Variants in GLRX3 observed in about 807,000 individuals in gnomAD.
The protein encoded by GLRX3 is glutaredoxin 3.
In GLRX3, 22 loss-of-function variants were observed where a neutral mutation model predicts 49.5. The ratio of observed to expected loss-of-function variants is 0.44; its 90% confidence interval spans 0.32 to 0.63. The LOEUF is 0.63. Among genes scored for constraint, GLRX3 ranks in the 30% least tolerant of loss-of-function variants. The probability of loss-of-function intolerance (pLI) is 0.05; values close to 1 mark genes in which losing one functional copy is unlikely to be tolerated. For synonymous variants in GLRX3, 133 were observed against 140.0 expected, an observed-to-expected ratio of 0.95 and a Z score of 0.35; for missense variants, 385 against 396.3, an observed-to-expected ratio of 0.97 and a Z score of 0.24.
intron 2 of GLRX3, among the ~76,000 whole-genome samples, chr10:130,149,021 A>G (rs1252143130): frequency 2.6e-5 from 4 of 152,050 alleles, no homozygotes; most frequent in African/African-American, 4.8e-5. Flanking sequence ...TTGTGCCACT[A>G]TACTCCAGCT....
intron 1 of GLRX3, among the ~76,000 whole-genome samples, chr10:130,137,591 G>A (rs1056376972): frequency 1.3e-5 from 2 of 152,158 alleles, no homozygotes; most frequent in Non-Finnish European, 2.9e-5. Flanking sequence ...TAGTACCTCA[G>A]GGTTGTTGTG....
At chr10:130,137,486 C>T (rs1374532493) in intron 1 of GLRX3, among the ~76,000 whole-genome samples, 3 of 152,256 alleles carry the variant, frequency 2.0e-5, no homozygotes, top group African/African-American at 4.8e-5. Context: ...GCCTGGGATC[C>T]AGTCCCACCG....
chr10:130,175,195 T>C (rs7918967), intron 10 of GLRX3, 106 bp downstream of exon 10: 1 of 714,246 alleles, frequency 1.4e-6, no homozygotes, highest in African/African-American at 1.8e-5. Context: ...GACTCCTGTT[T>C]CCAGCCTGAC....
chr10:130,166,606 C>A lies in GLRX3; in HGVS notation c.578C>A (p.Ala193Asp). 6.2e-7 allele frequency: 1 copy of A among 1,609,562 alleles called. No homozygotes were observed. The highest frequency in any genetic ancestry group is 8.5e-7 in the Non-Finnish European group (1 of 1,175,882). Residue 193 changes from alanine (A) to aspartate (D), a missense_variant, in exon 5 of 11, where the codon GCC becomes GAC. This residue lies in a region of GLRX3 where 374 missense variants were observed against 358.6 expected (regional missense o/e 1.04). Coordinates refer to ENST00000331244, the MANE Select transcript of GLRX3 (RefSeq NM_006541.5). ...SDEEVRQGLK[A>D]YSSWPTYPQL... is the part of the protein sequence containing the mutation. ...GAAGAGGTTCGACAGGGACTCAAAG[C>A]CTATTCCAGTTGGCCTACCTATCCT... is the stretch of plus-strand genomic sequence containing the variant.
intron 6 of GLRX3, among the ~76,000 whole-genome samples, chr10:130,167,904 C>T (rs1425417721): frequency 1.3e-5 from 2 of 152,144 alleles, no homozygotes; most frequent in African/African-American, 4.8e-5. Context: ...CCTTTTTTGA[C>T]TCTGGGCGTC....
intron 2 of GLRX3, among the ~76,000 whole-genome samples, chr10:130,156,600 A>T (rs1159531071): frequency 1.3e-5 from 2 of 150,952 alleles, no homozygotes; most frequent in Admixed American, 1.3e-4. Context: ...GTGAGTCTAT[A>T]CGTGAAGCAC....
chr10:130,140,462 G>T (rs1346904289), intron 1 of GLRX3, among the ~76,000 whole-genome samples: 1 of 152,166 alleles, frequency 6.6e-6, no homozygotes, highest in East Asian at 1.9e-4. Flanking sequence ...GAAATGGAAG[G>T]TAAGCATTAA....
In GLRX3 at chr10:130,145,246, C is replaced by CTG. The variant is rs1359734215; in HGVS notation, c.129_130insGT (p.Pro44ValfsTer7). ...GTGGTCCATTTCTGGGCACCATGGG[C>CTG]TCCACAGTGTGCACAGATGAACGAA... On this transcript the variant is annotated frameshift_variant, in exon 2 of 11. Coordinates refer to ENST00000331244, the MANE Select transcript of GLRX3 (RefSeq NM_006541.5). LOFTEE classifies it high-confidence loss of function. 1 of 1,554,100 alleles carries CTG rather than the reference C, an allele frequency of 6.4e-7. No individual in the cohort carries two copies. The highest frequency in any genetic ancestry group is 1.4e-5 in the African/African-American group (1 of 73,868).
intron 8 of GLRX3, among the ~76,000 whole-genome samples, chr10:130,172,666 G>A (rs1862834827): frequency 6.6e-6 from 1 of 152,222 alleles, no homozygotes; most frequent in African/African-American, 2.4e-5. Flanking sequence ...ATAGGGCCAG[G>A]CACAGTGGCT....
chr10:130,164,796 A>G (rs1281476663), intron 4 of GLRX3, among the ~76,000 whole-genome samples: 1 of 152,242 alleles, frequency 6.6e-6, no homozygotes, highest in African/African-American at 2.4e-5. Context: ...AAGCTAAAAT[A>G]AAGCTTCTTC....
intron 2 of GLRX3, among the ~76,000 whole-genome samples, chr10:130,158,485 C>T (rs16910147): frequency 1.3e-5 from 2 of 152,034 alleles, no homozygotes; most frequent in East Asian, 3.9e-4. Context: ...TTAGTATTGC[C>T]TTTTTTTTGG....
At chr10:130,173,983 C>T (rs1054607346) in intron 8 of GLRX3, among the ~76,000 whole-genome samples, 5 of 152,140 alleles carry the variant, frequency 3.3e-5, no homozygotes, top group Non-Finnish European at 4.4e-5. Flanking sequence ...GGGAATTGCA[C>T]CTGTACCCTC....
At chr10:130,176,746 C>T (rs1008658113) in intron 10 of GLRX3, among the ~76,000 whole-genome samples, 2 of 141,754 alleles carry the variant, frequency 1.4e-5, no homozygotes, top group Admixed American at 7.3e-5. Context: ...CCCTCCCTCC[C>T]TCCTTCCCTC....
intron 1 of GLRX3, among the ~76,000 whole-genome samples, chr10:130,144,528 A>G (rs1862235986): frequency 6.8e-6 from 1 of 147,398 alleles, no homozygotes; most frequent in Non-Finnish European, 1.5e-5. Context: ...TTCATTGTTC[A>G]CCTCCCACTT....
intron 4 of GLRX3, among the ~76,000 whole-genome samples, chr10:130,164,559 G>A (rs1351502658): frequency 1.3e-5 from 2 of 152,130 alleles, no homozygotes; most frequent in East Asian, 3.9e-4. Flanking sequence ...AGAAATGACT[G>A]GGGGTGGAAA....
intron 4 of GLRX3, among the ~76,000 whole-genome samples, chr10:130,164,808 C>T (rs982850450): frequency 6.6e-6 from 1 of 152,188 alleles, no homozygotes; most frequent in Middle Eastern, 3.2e-3. Flanking sequence ...AGCTTCTTCT[C>T]AGCCAGTTAC....
intron 10 of GLRX3, among the ~76,000 whole-genome samples, chr10:130,176,112 GT>G (rs553426083): frequency 1.8e-3 from 246 of 138,978 alleles, no homozygotes; most frequent in Admixed American, 3.1e-3. Flanking sequence ...TAAAATAAAA[GT>G]TTTTTTTTTT....
chr10:130,137,096 G>A (rs922230212), intron 1 of GLRX3, among the ~76,000 whole-genome samples: 8 of 152,110 alleles, frequency 5.3e-5, no homozygotes, highest in Non-Finnish European at 8.8e-5. Context: ...TTTGAAGTCA[G>A]CCTTTAAAGT....
intron 3 of GLRX3, 80 bp downstream of exon 3, chr10:130,160,149 C>T: frequency 1.2e-6 from 1 of 818,402 alleles, no homozygotes; most frequent in East Asian, 2.4e-5. Flanking sequence ...TACCCTCTCT[C>T]TAATCCCCGA....
Sources: gnomAD v4.1 joint callset for allele counts (sites outside exome capture counted in the v4.1 genomes callset) on GRCh38, gnomAD v4.1.1 for gene constraint, gnomAD v4.1.1 regional missense constraint, MANE v1.5 for transcripts, NCBI Gene and HGNC (gene_info 2026-07-23, HGNC 2026-07-21) for gene names.